The following ZEB1 variants were observed in gnomAD, a reference collection of about 807,000 sequenced individuals.
ZEB1 encodes zinc finger E-box-binding homeobox 1.
A neutral mutation model predicts 84.9 loss-of-function variants in ZEB1; 21 were observed. The observed-to-expected ratio is 0.25, with a 90% CI of 0.18 to 0.36. The LOEUF is 0.36. ZEB1 is among the 10% of genes least tolerant of loss of function. The pLI is 1.00. For synonymous variants in ZEB1, 420 were observed against 471.1 expected (o/e 0.89, Z 1.41); for missense variants, 1,104 against 1,330.2 (o/e 0.83, Z 2.65).
intron 1 of ZEB1, among the ~76,000 whole-genome samples, chr10:31,369,221 G>C (rs1485363686): frequency 6.6e-6 from 1 of 152,110 alleles, no homozygotes; most frequent in Middle Eastern, 3.4e-3. Flanking sequence ...TTCATATTGA[G>C]ACATTTGAAA....
At position 31,449,021 on chromosome 10, in the gene ZEB1, G is replaced by A. The variant is rs1044544342; in HGVS notation, c.59-12016G>A. 2.7e-3 allele frequency among the ~76,000 whole-genome samples: 413 copies of A among 152,296 alleles called. 10 individuals are homozygous for A. Among genetic ancestry groups the A allele is most frequent in the Admixed American group, 0.017 (254 of 15,302 alleles). ...GCGCCCCTCCCCCAGCCTCGCTGCC[G>A]CCTTGCAGTTTGATCTCAGACTGCT... On this transcript the variant is annotated intron_variant, in intron 1 of 8. Coordinates refer to ENST00000424869, the MANE Select transcript of ZEB1 (RefSeq NM_001174096.2).
chr10:31,469,038 A>G (rs2062810657), intron 2 of ZEB1, among the ~76,000 whole-genome samples: 1 of 152,222 alleles, frequency 6.6e-6, no homozygotes, highest in African/African-American at 2.4e-5. Context: ...GAAACAATCT[A>G]AGAGATGAAA....
chr10:31,356,362 A>G (rs1277875951), intron 1 of ZEB1, among the ~76,000 whole-genome samples: 1 of 151,860 alleles, frequency 6.6e-6, no homozygotes, highest in African/African-American at 2.4e-5. Context: ...GTATATATAT[A>G]TATATATAGT....
intron 1 of ZEB1, among the ~76,000 whole-genome samples, chr10:31,434,056 A>G (rs1327347755): frequency 6.6e-6 from 1 of 152,228 alleles, no homozygotes; most frequent in Admixed American, 6.5e-5. Context: ...TTCTATAAAA[A>G]TAAAAGTAGG....
At chr10:31,379,378 AT>A (rs2047231536) in intron 1 of ZEB1, among the ~76,000 whole-genome samples, 1 of 151,766 alleles carries the variant, frequency 6.6e-6, no homozygotes, top group Non-Finnish European at 1.5e-5. Flanking sequence ...TTCCTAAGGT[AT>A]TGTTGGACTG....
At chr10:31,494,072 G>C (rs1225498234) in intron 2 of ZEB1, among the ~76,000 whole-genome samples, 2 of 151,832 alleles carry the variant, frequency 1.3e-5, no homozygotes, top group Non-Finnish European at 2.9e-5. Context: ...TTTCATTTTA[G>C]AAGAATAAGG....
At chr10:31,319,575 G>GCGCCGA (rs1589880713) in intron 1 of ZEB1, 1 of 406,530 alleles carries the variant, frequency 2.5e-6, no homozygotes, top group Non-Finnish European at 4.3e-6. Context: ...CCGTTAGCCG[G>GCGCCGA]CGCCGACGCC....
intron 1 of ZEB1, among the ~76,000 whole-genome samples, chr10:31,379,207 A>G (rs2047204222): frequency 6.6e-6 from 1 of 152,096 alleles, no homozygotes; most frequent in Admixed American, 6.6e-5. Context: ...AATATGCTCT[A>G]ATAAAATCAG....
chr10:31,426,662 C>G (rs1305337256), intron 1 of ZEB1, among the ~76,000 whole-genome samples: 1 of 152,084 alleles, frequency 6.6e-6, no homozygotes, highest in East Asian at 1.9e-4. Flanking sequence ...GGATGGATGC[C>G]TGGAAAATCT....
At chr10:31,334,560 G>T (rs114558438) in intron 1 of ZEB1, among the ~76,000 whole-genome samples, 3 of 152,100 alleles carry the variant, frequency 2.0e-5, no homozygotes, top group East Asian at 3.9e-4. Context: ...CATACTCCCC[G>T]ATTGAAATAA....
chr10:31,485,711 G>A (rs547384135), intron 2 of ZEB1, among the ~76,000 whole-genome samples: 25 of 151,410 alleles, frequency 1.7e-4, no homozygotes, highest in Non-Finnish European at 3.1e-4. Context: ...TAAGACCTCA[G>A]GAAATATTTT....
chr10:31,410,953 T>G (rs1370590860), intron 1 of ZEB1, among the ~76,000 whole-genome samples: 2 of 152,220 alleles, frequency 1.3e-5, no homozygotes, highest in Non-Finnish European at 2.9e-5. Flanking sequence ...AGCTTCTGGA[T>G]TCATTGATTA....
chr10:31,475,945 C>T (rs920628673), intron 2 of ZEB1, among the ~76,000 whole-genome samples: 1 of 151,888 alleles, frequency 6.6e-6, no homozygotes, highest in African/African-American at 2.4e-5. Flanking sequence ...TAATATTAAC[C>T]TTGAACATAA....
At chr10:31,319,324 A>C (rs1166854454) in intron 1 of ZEB1, 32 bp downstream of exon 1, 2 of 1,590,920 alleles carry the variant, frequency 1.3e-6, no homozygotes, top group Non-Finnish European at 1.7e-6. Flanking sequence ...GGAGCGGCGG[A>C]GTCAGGGGGA....
chr10:31,379,069 G>C (rs2047183644), intron 1 of ZEB1, among the ~76,000 whole-genome samples: 2 of 151,998 alleles, frequency 1.3e-5, no homozygotes. Context: ...GCACAGTGAG[G>C]CTGTAACAGT....
intron 1 of ZEB1, among the ~76,000 whole-genome samples, chr10:31,391,467 G>GACAGA (rs1388723052): frequency 2.6e-5 from 4 of 152,084 alleles, no homozygotes; most frequent in Non-Finnish European, 5.9e-5. Flanking sequence ...ACTGTCATTT[G>GACAGA]AAAGCTGTGA....
Position 31,528,654 on chromosome 10 carries a change from ATTTC to A in ZEB1, c.*1394_*1397del, listed in dbSNP as rs1349102002. 6 of 152,174 alleles carry A rather than the reference ATTTC, an allele frequency of 3.9e-5. No individual in the cohort carries two copies. The highest frequency in any genetic ancestry group is 2.1e-4 in the South Asian group (1 of 4,824). The allele number at this position is 152,174 out of a possible 1,614,324, so 9.4% of individuals were successfully genotyped here. On this transcript the variant is annotated 3_prime_UTR_variant, in exon 9 of 9. Transcript: ENST00000424869. ...TTATATTTATGTGTCTTATTTTTAT[ATTTC>A]TTTATTTATTACACAGTGTAGTGTA...
intron 2 of ZEB1, among the ~76,000 whole-genome samples, chr10:31,485,628 T>G (rs1317530530): frequency 6.6e-6 from 1 of 151,916 alleles, no homozygotes; most frequent in African/African-American, 2.4e-5. Context: ...AACACTCCTA[T>G]TCTTCTGGAT....
intron 1 of ZEB1, among the ~76,000 whole-genome samples, chr10:31,400,346 C>T (rs912629138): frequency 3.3e-5 from 5 of 152,178 alleles, no homozygotes; most frequent in African/African-American, 9.6e-5. Flanking sequence ...TTGAGAGCTC[C>T]TGGGATCATT....
Sources: gnomAD v4.1 joint callset for allele counts (sites outside exome capture counted in the v4.1 genomes callset) on GRCh38, gnomAD v4.1.1 for gene constraint, MANE v1.5 for transcripts, NCBI Gene and HGNC (gene_info 2026-07-23, HGNC 2026-07-21) for gene names.